GML: variants seen among roughly 807,000 people sequenced by gnomAD.
GML encodes the protein glycosylphosphatidylinositol anchored molecule like.
GML carries 5 observed loss-of-function variants against 8.2 expected under a neutral mutation model. The observed-to-expected ratio is 0.61, with a 90% CI of 0.32 to 1.28. The LOEUF is 1.28. Among genes scored for constraint, GML ranks in the 50% most tolerant of loss-of-function variants. The pLI is 0.06. For synonymous variants in GML, 72 were observed against 69.0 expected, an observed-to-expected ratio of 1.04 and a Z score of -0.22; for missense variants, 191 against 198.3, an observed-to-expected ratio of 0.96 and a Z score of 0.22.
intron 3 of GML, among the ~76,000 whole-genome samples, chr8:142,842,809 C>T (rs1187788543): frequency 1.3e-5 from 2 of 152,200 alleles, no homozygotes; most frequent in African/African-American, 2.4e-5. Flanking sequence ...GAGAGGATAA[C>T]GGTGCATGGC....
rs755077452 is a variant in GML, at chr8:142,841,183, G to GT, written c.140dup (p.Cys48MetfsTer6). On this transcript the variant is annotated frameshift_variant, in exon 3 of 4. Coordinates refer to ENST00000220940, the MANE Select transcript of GML (RefSeq NM_002066.3). LOFTEE classifies it low-confidence loss of function (END_TRUNC). Reference sequence around the variant, plus strand: ...TGACTTCAACTGTCCCAACATTAGAGTATGTCCGTATCATATTAGGCGCTG... The same window carrying GT: ...TGACTTCAACTGTCCCAACATTAGAGTTATGTCCGTATCATATTAGGCGCTG... 7 of 1,574,744 alleles carry GT rather than the reference G, an allele frequency of 4.4e-6. No individual in the cohort carries two copies. The highest frequency in any genetic ancestry group is 1.4e-5 in the African/African-American group (1 of 74,014).
chr8:142,845,422 A>G (rs533641877), intron 3 of GML, among the ~76,000 whole-genome samples: 2 of 152,364 alleles, frequency 1.3e-5, no homozygotes, highest in East Asian at 3.9e-4. Flanking sequence ...ACATTTCTGT[A>G]GAATGGTGAA....
intron 2 of GML, 45 bp downstream of exon 2, chr8:142,840,555 A>C (rs1586544104): frequency 7.2e-7 from 1 of 1,385,460 alleles, no homozygotes; most frequent in Non-Finnish European, 1.0e-6. Context: ...ACGAGAATTC[A>C]CCTGGGGTGC....
intron 1 of GML, 82 bp from the exon 2 acceptor site, chr8:142,840,334 T>G: frequency 1.2e-6 from 1 of 832,294 alleles, no homozygotes; most frequent in Non-Finnish European, 2.1e-6. Flanking sequence ...GGGAGACTCA[T>G]GAGGCCGTTG....
intron 2 of GML, among the ~76,000 whole-genome samples, chr8:142,840,712 CA>C (rs1228332800): frequency 4.6e-5 from 7 of 152,126 alleles, no homozygotes; most frequent in Non-Finnish European, 7.4e-5. Flanking sequence ...AGCAGCTGAC[CA>C]GGGACCAAGG....
intron 1 of GML, among the ~76,000 whole-genome samples, chr8:142,839,265 G>A (rs1057021445): frequency 3.9e-4 from 59 of 152,290 alleles, no homozygotes; most frequent in Admixed American, 9.8e-4. Flanking sequence ...ACACTGACAG[G>A]CCCCCAGTCT....
chr8:142,839,189 G>C (rs2130216400), intron 1 of GML, among the ~76,000 whole-genome samples: 1 of 152,334 alleles, frequency 6.6e-6, no homozygotes, highest in Middle Eastern at 3.4e-3. Flanking sequence ...TGGGCATGGA[G>C]TGGGTAGGAG....
intron 2 of GML, 71 bp from the exon 3 acceptor site, chr8:142,841,047 G>A (rs1816424653): frequency 2.5e-6 from 2 of 801,110 alleles, no homozygotes; most frequent in South Asian, 2.8e-5. Context: ...GAAGAAGGGT[G>A]GAGTGAGCTG....
In GML at chr8:142,840,657, G is replaced by A. The variant is rs1816417540; in HGVS notation, c.73+147G>A. 2.5e-5 allele frequency: 16 copies of A among 650,680 alleles called. No homozygotes were observed. The South Asian group carries it at 2.6e-4, about 11-fold the overall frequency. 40.3% of individuals were successfully genotyped at this position (650,680 alleles called of 1,614,324 possible). A position where few individuals can be genotyped will look rare whatever the true frequency, so the allele number is the denominator to read the frequency against. On this transcript the variant is annotated intron_variant, in intron 2 of 3. Coordinates refer to ENST00000220940, the MANE Select transcript of GML (RefSeq NM_002066.3). ...TGTGTAATCAGGGGTGGGCACTAGG[G>A]CAGTCCAGGAGTAGTCATGAGCAAG...
At chr8:142,838,339 C>T (rs921082502) in intron 1 of GML, among the ~76,000 whole-genome samples, 5 of 152,132 alleles carry the variant, frequency 3.3e-5, no homozygotes, top group African/African-American at 9.7e-5. Flanking sequence ...TGCCTTTGCT[C>T]CTGGGGGCTT....
At chr8:142,844,846 A>AC (rs1246148068) in intron 3 of GML, among the ~76,000 whole-genome samples, 2 of 152,324 alleles carry the variant, frequency 1.3e-5, no homozygotes, top group Middle Eastern at 3.4e-3. Flanking sequence ...GATAAGTTCA[A>AC]CCCAGTGTAG....
At position 142,840,421 on chromosome 8, in the gene GML, G is replaced by A. The variant is rs1453392222; in HGVS notation, c.-17G>A. The A allele has an allele frequency of 1.2e-6, 2 of 1,608,264 alleles. No homozygotes were observed. Among genetic ancestry groups the A allele is most frequent in the Admixed American group, 3.3e-5 (2 of 60,022 alleles). On this transcript the variant is annotated 5_prime_UTR_variant, in exon 2 of 4. Transcript: ENST00000220940. ...ATGGGGCTCCTTCCCTTCAGGTCCA[G>A]GCTCCTGCGTGAAGTGATGCTCCTC... is the stretch of plus-strand genomic sequence containing the variant.
chr8:142,846,114 A>G (rs757805459), intron 3 of GML, among the ~76,000 whole-genome samples: 6 of 152,240 alleles, frequency 3.9e-5, no homozygotes, highest in Non-Finnish European at 5.9e-5. Flanking sequence ...GTGTAGCTAC[A>G]TGACAAGGTA....
At chr8:142,842,309 G>T (rs1396401482) in intron 3 of GML, among the ~76,000 whole-genome samples, 1 of 152,184 alleles carries the variant, frequency 6.6e-6, no homozygotes, top group Non-Finnish European at 1.5e-5. Context: ...GTCTCGGGCA[G>T]TTCTTTATAG....
intron 1 of GML, among the ~76,000 whole-genome samples, chr8:142,835,764 A>G (rs1816331225): frequency 6.6e-6 from 1 of 152,206 alleles, no homozygotes; most frequent in East Asian, 1.9e-4. Context: ...TCAGTGTCCG[A>G]AACTGCATTC....
intron 1 of GML, among the ~76,000 whole-genome samples, chr8:142,837,022 A>C (rs1392992465): frequency 6.6e-6 from 1 of 152,178 alleles, no homozygotes; most frequent in Non-Finnish European, 1.5e-5. Flanking sequence ...TAAAATTTGC[A>C]GTGGCTCACA....
chr8:142,840,987 T>C (rs1816423530), intron 2 of GML, 131 bp from the exon 3 acceptor site: 1 of 641,970 alleles, frequency 1.6e-6, no homozygotes, highest in South Asian at 1.8e-5. Context: ...AGAGCTGAGC[T>C]GTGCAGGCTA....
intron 3 of GML, among the ~76,000 whole-genome samples, chr8:142,843,550 G>A (rs1816466690): frequency 6.6e-6 from 1 of 152,166 alleles, no homozygotes; most frequent in African/African-American, 2.4e-5. Context: ...AAGTCTCATG[G>A]AGAGGAGAAA....
chr8:142,838,295 C>G (rs958141360), intron 1 of GML, among the ~76,000 whole-genome samples: 3 of 152,094 alleles, frequency 2.0e-5, no homozygotes, highest in African/African-American at 7.2e-5. Flanking sequence ...TATGGGAATT[C>G]CTTGGGAGTC....
Sources: allele counts gnomAD v4.1 joint callset (sites outside exome capture counted in the v4.1 genomes callset), GRCh38; gene constraint gnomAD v4.1.1; transcripts MANE v1.5; gene names NCBI Gene and HGNC (gene_info 2026-07-23, HGNC 2026-07-21).